The following ZNF441 variants were observed in gnomAD, a reference collection of about 807,000 sequenced individuals.
ZNF441 encodes zinc finger protein 441.
A neutral mutation model predicts 64.5 loss-of-function variants in ZNF441; 25 were observed. The ratio of observed to expected loss-of-function variants is 0.39; its 90% CI spans 0.28 to 0.54. ZNF441 has a LOEUF of 0.54. Among genes scored for constraint, ZNF441 ranks in the 20% least tolerant of loss-of-function variants. The pLI is 0.70. For synonymous variants in ZNF441, 262 were observed against 268.0 expected (o/e 0.98, Z 0.22); for missense variants, 715 against 843.3 (o/e 0.85, Z 1.88).
At chr19:11,771,904 T>C (rs12980283) in intron 1 of ZNF441, among the ~76,000 whole-genome samples, 73,663 of 151,984 alleles carry the variant, frequency 0.48, 19,189 homozygotes, top group African/African-American at 0.7. Context: ...GTCAGGTTTG[T>C]CCGCAGTTAC....
Position 11,767,015 on chromosome 19 carries a change from T to G in ZNF441, c.-179T>G. On this transcript the variant is annotated 5_prime_UTR_variant, in exon 1 of 4. Coordinates refer to ENST00000357901, the MANE Select transcript of ZNF441 (RefSeq NM_152355.3). This position sits in a 1 kb window ranked among gnomAD's most constrained non-coding sequence, Gnocchi z 5.1. ...CGTGAGAACTGTCAATCAGGCGCAC[T>G]GACCGGAGGAGGGTGCAAGGTTCAA... is the stretch of plus-strand genomic sequence containing the variant. 1.2e-6 allele frequency: 1 copy of G among 862,400 alleles called. No homozygotes were observed. The highest frequency in any genetic ancestry group is 1.8e-6 in the Non-Finnish European group (1 of 561,108). The allele number at this position is 862,400 out of a possible 1,614,324, so 53.4% of individuals were successfully genotyped here.
intron 2 of ZNF441, 49 bp downstream of exon 2, chr19:11,777,786 C>A: frequency 6.3e-7 from 1 of 1,578,370 alleles, no homozygotes; most frequent in Non-Finnish European, 8.6e-7. Flanking sequence ...ACATTTGTTT[C>A]TTGGTCATCA....
chr19:11,777,926 G>T, intron 2 of ZNF441, 189 bp downstream of exon 2: 1 of 521,188 alleles, frequency 1.9e-6, no homozygotes, highest in Non-Finnish European at 3.3e-6. Flanking sequence ...AGCATTACTG[G>T]TAACATAAAC....
chr19:11,779,071 A>G (rs1249407113), intron 3 of ZNF441, among the ~76,000 whole-genome samples: 1 of 152,174 alleles, frequency 6.6e-6, no homozygotes, highest in Admixed American at 6.6e-5. Context: ...CTGTAATCCC[A>G]ACTATTTGGG....
rs1004242430 is a variant in ZNF441 at position 11,767,408 on chromosome 19, C to T, written c.3+212C>T. On this transcript the variant is annotated intron_variant, in intron 1 of 3. Coordinates refer to ENST00000357901, the MANE Select transcript of ZNF441 (RefSeq NM_152355.3). This position sits in a 1 kb window ranked among gnomAD's most constrained non-coding sequence, Gnocchi z 5.1. ...CTGCGCGGCCACTGCGGCCCTGGCC[C>T]TGGAGGCCTGTCTGGGCAGCTCCGC... Among the ~76,000 whole-genome samples the T allele has an allele frequency of 2.0e-5, 3 of 152,258 alleles. No homozygotes were observed. The highest frequency in any genetic ancestry group is 7.2e-5 in the African/African-American group (3 of 41,468).
rs1975277933 is a variant in ZNF441, at chr19:11,767,282, T to C, written c.3+86T>C. 2.0e-6 allele frequency: 3 copies of C among 1,537,724 alleles called. No individual in the cohort carries two copies. Among genetic ancestry groups the C allele is most frequent in the Middle Eastern group, 1.7e-4 (1 of 5,960 alleles). On this transcript the variant is annotated intron_variant, in intron 1 of 3. Coordinates refer to ENST00000357901, the MANE Select transcript of ZNF441 (RefSeq NM_152355.3). This position sits in a 1 kb window ranked among gnomAD's most constrained non-coding sequence, Gnocchi z 5.1. ...GAACCGGCTGTGGTGGCACCAGGTCTTCCCCGCCGGCGACACCCTGGCGCA... is the reference window on the plus strand; with the variant it reads ...GAACCGGCTGTGGTGGCACCAGGTCCTCCCCGCCGGCGACACCCTGGCGCA...
intron 1 of ZNF441, among the ~76,000 whole-genome samples, chr19:11,770,901 A>G (rs1489203894): frequency 6.6e-6 from 1 of 150,990 alleles, no homozygotes; most frequent in African/African-American, 2.4e-5. Flanking sequence ...CCACTGCACT[A>G]TAGCCTGGGT....
rs1975417154 is a variant in ZNF441 at position 11,783,151 on chromosome 19, T to C, written c.*1245T>C. 1 of 152,180 alleles carries C rather than the reference T, an allele frequency of 6.6e-6. No individual in the cohort carries two copies. Among genetic ancestry groups the C allele is most frequent in the Non-Finnish European group, 1.5e-5 (1 of 68,022 alleles). 9.4% of individuals were successfully genotyped at this position (152,180 alleles called of 1,614,324 possible). A position where few individuals can be genotyped will look rare whatever the true frequency, so the allele number is the denominator to read the frequency against. On this transcript the variant is annotated 3_prime_UTR_variant, in exon 4 of 4. Coordinates refer to ENST00000357901, the MANE Select transcript of ZNF441 (RefSeq NM_152355.3). ...GGAAAAGGATGTGAACAGACAGTTC[T>C]CAAAAGAAGACATGCAAATGGCCAA...
At position 11,767,466 on chromosome 19, in the gene ZNF441, G is replaced by A. The variant is rs1282284706; in HGVS notation, c.3+270G>A. On this transcript the variant is annotated intron_variant, in intron 1 of 3. Transcript: ENST00000357901. The surrounding 1 kb of genome is among the most constrained non-coding windows in gnomAD (Gnocchi z 5.1). ...GTCCTGCGTCTCCCCAGATTGTGCG[G>A]CTGTAACCGGCACAGGTTCGCGGCC... 1.3e-5 allele frequency among the ~76,000 whole-genome samples: 2 copies of A among 152,256 alleles called. No individual in the cohort carries two copies. The highest frequency in any genetic ancestry group is 4.8e-5 in the African/African-American group (2 of 41,472).
intron 1 of ZNF441, among the ~76,000 whole-genome samples, chr19:11,777,377 A>T (rs557610251): frequency 6.6e-6 from 1 of 152,308 alleles, no homozygotes; most frequent in Admixed American, 6.5e-5. Flanking sequence ...CACTTTCTTA[A>T]CTTACCAACA....
intron 3 of ZNF441, among the ~76,000 whole-genome samples, chr19:11,779,784 G>A (rs1244432294): frequency 6.6e-6 from 1 of 150,746 alleles, no homozygotes; most frequent in Non-Finnish European, 1.5e-5. Flanking sequence ...GGTGGCTTAT[G>A]CCTGTAGACC....
chr19:11,768,313 C>T (rs73922689), intron 1 of ZNF441, among the ~76,000 whole-genome samples: 3,251 of 152,252 alleles, frequency 0.021, 121 homozygotes, highest in African/African-American at 0.075. Flanking sequence ...CAATATATGG[C>T]TCTTTGTAAA....
In ZNF441 at chr19:11,767,086, T is replaced by G; in HGVS notation, c.-108T>G. ...CACGCCCCTGCACTGGGCTCCGGGT[T>G]CTGTCACTGAGAGACGCCCTGGAAC... On this transcript the variant is annotated 5_prime_UTR_variant, in exon 1 of 4. Transcript: ENST00000357901. The surrounding 1 kb of genome is among the most constrained non-coding windows in gnomAD (Gnocchi z 5.1). The G allele has an allele frequency of 6.6e-7, 1 of 1,523,258 alleles. No homozygotes were observed. The allele number at this position is 1,523,258 out of a possible 1,614,324, so 94.4% of individuals were successfully genotyped here. A position where few individuals can be genotyped will look rare whatever the true frequency, so the allele number is the denominator to read the frequency against.
chr19:11,771,906 C>T (rs555220646), intron 1 of ZNF441, among the ~76,000 whole-genome samples: 1 of 152,164 alleles, frequency 6.6e-6, no homozygotes, highest in Admixed American at 6.5e-5. Context: ...CAGGTTTGTC[C>T]GCAGTTACCT....
In ZNF441 at chr19:11,780,367, A is replaced by C; in HGVS notation, c.543A>C (p.Glu181Asp). ...AATGTGCAAGCTTCAGTTCTCTTGA[A>C]AACCTTCAAAGACACATGGCAGCAC... The part of the protein sequence containing the change: ...CKECASFSSL[E>D]NLQRHMAAHH... The change falls in exon 4 of 4, where the codon GAA (glutamate) becomes GAC (aspartate). Residue 181 changes from glutamate (E) to aspartate (D), a missense_variant. Glu to Asp is a conservative substitution (Grantham distance 45). This residue lies in a region of ZNF441 where 399 missense variants were observed against 413.9 expected (regional missense o/e 0.96). Coordinates refer to ENST00000357901, the MANE Select transcript of ZNF441 (RefSeq NM_152355.3). The C allele has an allele frequency of 2.5e-6, 4 of 1,614,240 alleles. No individual in the cohort carries two copies. The highest frequency in any genetic ancestry group is 3.4e-6 in the Non-Finnish European group (4 of 1,180,048).
intron 1 of ZNF441, among the ~76,000 whole-genome samples, chr19:11,775,184 C>T (rs758886737): frequency 6.6e-6 from 1 of 152,230 alleles, no homozygotes; most frequent in Non-Finnish European, 1.5e-5. Context: ...TCTGCTTTAG[C>T]CTTACCTTTC....
In ZNF441 at chr19:11,767,873, C is replaced by T. The variant is rs1975283300; in HGVS notation, c.3+677C>T. 6.6e-6 allele frequency among the ~76,000 whole-genome samples: 1 copy of T among 152,164 alleles called. No homozygotes were observed. Among genetic ancestry groups the T allele is most frequent in the South Asian group, 2.1e-4 (1 of 4,830 alleles). On this transcript the variant is annotated intron_variant, in intron 1 of 3. Transcript: ENST00000357901. The surrounding 1 kb of genome is among the most constrained non-coding windows in gnomAD (Gnocchi z 5.1). ...TGCTGTGGCCTGACTCTTGGGGAGG[C>T]GGCCCCGCGAGGCAGCGGGGCTGAG...
chr19:11,767,731 T>C lies in ZNF441; in HGVS notation c.3+535T>C, dbSNP rs1474726691. Among the ~76,000 whole-genome samples the C allele has an allele frequency of 6.6e-6, 1 of 152,186 alleles. No individual in the cohort carries two copies. The highest frequency in any genetic ancestry group is 2.4e-5 in the African/African-American group (1 of 41,446). On this transcript the variant is annotated intron_variant, in intron 1 of 3. Transcript: ENST00000357901. This position sits in a 1 kb window ranked among gnomAD's most constrained non-coding sequence, Gnocchi z 5.1. Reference sequence around the variant, plus strand: ...GGGTTCCCTTGTGGGGTCTTCAGCCTGGTTGGCGCCAGCCTTTCCGCTGGA... The same window carrying C: ...GGGTTCCCTTGTGGGGTCTTCAGCCCGGTTGGCGCCAGCCTTTCCGCTGGA...
intron 3 of ZNF441, among the ~76,000 whole-genome samples, chr19:11,779,573 G>A (rs534208498): frequency 4.0e-4 from 61 of 151,958 alleles, no homozygotes; most frequent in South Asian, 3.7e-3. Context: ...GTGAAACCCC[G>A]TCTCTACTAA....
Sources: allele counts gnomAD v4.1 joint callset (sites outside exome capture counted in the v4.1 genomes callset), GRCh38; gene constraint gnomAD v4.1.1; regional missense constraint gnomAD v4.1.1; non-coding constraint Gnocchi (gnomAD v3.1); transcripts MANE v1.5; gene names NCBI Gene and HGNC (gene_info 2026-07-23, HGNC 2026-07-21).